ATE1: variants seen among roughly 807,000 people sequenced by gnomAD.
ATE1 encodes arginyltransferase 1.
ATE1 carries 36 observed loss-of-function variants against 70.5 expected under a neutral mutation model. The observed-to-expected ratio is 0.51, with a 90% confidence interval of 0.39 to 0.67. The LOEUF is 0.67. ATE1 is among the 30% of genes least tolerant of loss of function. ATE1 has a pLI of 0.00. For missense variants in ATE1, 593 were observed against 629.5 expected (o/e 0.94, Z 0.62); for synonymous variants, 232 against 219.3 (o/e 1.06, Z -0.51).
intron 7 of ATE1, among the ~76,000 whole-genome samples, chr10:121,883,347 C>A (rs1950282345): frequency 6.6e-6 from 1 of 152,024 alleles, no homozygotes; most frequent in Admixed American, 6.6e-5. Flanking sequence ...TTACCAAATG[C>A]CTCGACAGTA....
intron 10 of ATE1, among the ~76,000 whole-genome samples, chr10:121,827,420 G>A (rs1390283202): frequency 1.3e-5 from 2 of 152,162 alleles, no homozygotes; most frequent in African/African-American, 2.4e-5. Flanking sequence ...GGAACTGTAA[G>A]AGAAGCTGAC....
upstream of ATE1, chr10:121,928,239 C>G (rs1039815643): frequency 4.0e-5 from 56 of 1,395,330 alleles, no homozygotes; most frequent in African/African-American, 8.2e-4. Flanking sequence ...TGGGGAGAGT[C>G]AAGAGGGGAA....
At chr10:121,769,552 C>G (rs941233659) in intron 11 of ATE1, among the ~76,000 whole-genome samples, 1 of 151,990 alleles carries the variant, frequency 6.6e-6, no homozygotes, top group Non-Finnish European at 1.5e-5. Flanking sequence ...AAATTGATAC[C>G]TAGACTTCAT....
rs776904910 is a variant in ATE1, at chr10:121,927,937, C to A, written c.13G>T (p.Ala5Ser). Residue 5 changes from alanine to serine, a missense_variant, in exon 1 of 12, where the codon GCG (alanine) becomes TCG (serine). Around this residue, in one of 3 missense-constraint regions of ATE1, gnomAD observed 467 missense variants for 469.6 expected, o/e 0.99. Coordinates refer to ENST00000224652, the MANE Select transcript of ATE1 (RefSeq NM_001001976.3). MAFW[A>S]GGSPSVVDYF... ...TCCACGACGCTGGGCGAACCCCCCG[C>A]CCAGAAAGCCATGGCCTCGGCCCCG... The A allele has an allele frequency of 2.0e-5, 32 of 1,570,744 alleles. No individual in the cohort carries two copies. Among genetic ancestry groups the A allele is most frequent in the Non-Finnish European group, 2.7e-5 (31 of 1,161,534 alleles).
chr10:121,764,823 A>G (rs902180399), intron 11 of ATE1, among the ~76,000 whole-genome samples: 11 of 152,300 alleles, frequency 7.2e-5, no homozygotes, highest in African/African-American at 2.6e-4. Context: ...GACTTTCCAC[A>G]TCAAATCATC....
chr10:121,792,751 C>T (rs976695588), intron 10 of ATE1, among the ~76,000 whole-genome samples: 1 of 152,080 alleles, frequency 6.6e-6, no homozygotes, highest in African/African-American at 2.4e-5. Context: ...GCTTCTAAGT[C>T]TGTTTTTTCC....
chr10:121,861,404 T>C (rs1245312197), intron 8 of ATE1, among the ~76,000 whole-genome samples: 6 of 152,010 alleles, frequency 3.9e-5, no homozygotes, highest in Non-Finnish European at 8.8e-5. Flanking sequence ...ATGAGATATA[T>C]GGCTGCAATA....
intron 3 of ATE1, among the ~76,000 whole-genome samples, chr10:121,919,495 A>C (rs974479504): frequency 6.6e-6 from 1 of 152,086 alleles, no homozygotes; most frequent in East Asian, 1.9e-4. Context: ...CGGGAGGCAG[A>C]GGTTGCAGTG....
At chr10:121,844,270 A>G (rs2133813468) in intron 8 of ATE1, among the ~76,000 whole-genome samples, 1 of 152,344 alleles carries the variant, frequency 6.6e-6, no homozygotes, top group Middle Eastern at 3.4e-3. Context: ...TTTTAAAAAT[A>G]AGGGAGAAGG....
intron 8 of ATE1, among the ~76,000 whole-genome samples, chr10:121,865,881 T>C (rs1382057343): frequency 2.6e-5 from 4 of 152,216 alleles, no homozygotes; most frequent in Non-Finnish European, 5.9e-5. Context: ...CATGTGGCAG[T>C]TAACTGTTTA....
At chr10:121,752,124 C>A (rs56226645) in intron 11 of ATE1, among the ~76,000 whole-genome samples, 3 of 149,456 alleles carry the variant, frequency 2.0e-5, no homozygotes, top group African/African-American at 4.9e-5. Context: ...ATGAACCCAG[C>A]AGGCAGAGCT....
At chr10:121,777,526 T>C (rs568454228) in intron 11 of ATE1, among the ~76,000 whole-genome samples, 4 of 151,582 alleles carry the variant, frequency 2.6e-5, no homozygotes, top group African/African-American at 7.3e-5. Context: ...TAGAAACCTC[T>C]TGGCTTCAAG....
chr10:121,813,149 A>T (rs1342738249), intron 10 of ATE1, among the ~76,000 whole-genome samples: 1 of 152,242 alleles, frequency 6.6e-6, no homozygotes, highest in Non-Finnish European at 1.5e-5. Flanking sequence ...CTCACTAAAT[A>T]TGAAATCAAG....
chr10:121,878,250 T>C (rs575453632), intron 7 of ATE1, among the ~76,000 whole-genome samples: 4 of 152,300 alleles, frequency 2.6e-5, no homozygotes, highest in Non-Finnish European at 5.9e-5. Flanking sequence ...TCTAGCATGC[T>C]GAAAATGTTC....
chr10:121,922,449 T>C, intron 2 of ATE1, 38 bp from the exon 3 acceptor site: 1 of 1,313,934 alleles, frequency 7.6e-7, no homozygotes, highest in Non-Finnish European at 1.1e-6. Flanking sequence ...GTCTTATATA[T>C]TTTTCACTTG....
intron 3 of ATE1, among the ~76,000 whole-genome samples, chr10:121,915,474 G>T (rs1369680448): frequency 6.6e-6 from 1 of 152,054 alleles, no homozygotes; most frequent in Non-Finnish European, 1.5e-5. Flanking sequence ...AAATTCCCCT[G>T]AACTAAAGGA....
chr10:121,888,270 T>C (rs545767717), intron 7 of ATE1, among the ~76,000 whole-genome samples: 1 of 152,162 alleles, frequency 6.6e-6, no homozygotes, highest in Non-Finnish European at 1.5e-5. Context: ...GGCAGGCGCC[T>C]GGAGTCCGAG....
chr10:121,778,961 T>G (rs552078327), intron 11 of ATE1, among the ~76,000 whole-genome samples: 80 of 152,196 alleles, frequency 5.3e-4, no homozygotes, highest in African/African-American at 1.8e-3. Context: ...TCAGTCTTCT[T>G]CAATGACTTT....
intron 10 of ATE1, among the ~76,000 whole-genome samples, chr10:121,833,423 C>T (rs954820665): frequency 2.6e-5 from 4 of 152,066 alleles, no homozygotes; most frequent in Non-Finnish European, 4.4e-5. Flanking sequence ...ATGTAGCAGG[C>T]ACATTGTTTG....
Sources: gnomAD v4.1 joint callset for allele counts (sites outside exome capture counted in the v4.1 genomes callset) on GRCh38, gnomAD v4.1.1 for gene constraint, gnomAD v4.1.1 regional missense constraint, MANE v1.5 for transcripts, NCBI Gene and HGNC (gene_info 2026-07-23, HGNC 2026-07-21) for gene names.